Variants in WNK3 observed in about 807,000 individuals in gnomAD.
The protein encoded by WNK3 is WNK lysine deficient protein kinase 3.
A neutral mutation model predicts 116.7 loss-of-function variants in WNK3; 18 were observed. The ratio of observed to expected loss-of-function variants is 0.15; its 90% CI spans 0.11 to 0.23. WNK3 has a LOEUF of 0.23. Among genes scored for constraint, WNK3 ranks in the 10% least tolerant of loss-of-function variants. The probability of loss-of-function intolerance (pLI) is 1.00; values close to 1 mark genes in which losing one functional copy is unlikely to be tolerated. For synonymous variants in WNK3, 404 were observed against 469.4 expected, an observed-to-expected ratio of 0.86 and a Z score of 1.80; for missense variants, 993 against 1,323.8, an observed-to-expected ratio of 0.75 and a Z score of 3.88.
chrX:54,276,574 C>T (rs782014797), intron 10 of WNK3, among the ~76,000 whole-genome samples: 206 of 110,824 alleles, frequency 1.9e-3, no homozygotes, highest in African/African-American at 6.3e-3. Flanking sequence ...TATGCCATGA[C>T]CAAATGAGTT....
chrX:54,198,305 T>C (rs1557140651), exon 24 of WNK3: 1 of 1,110,231 alleles, frequency 9.0e-7, no homozygotes, highest in Admixed American at 3.0e-5. Flanking sequence ...CCTCCCTTTT[T>C]ATCACCATCT....
intron 22 of WNK3, among the ~76,000 whole-genome samples, chrX:54,209,148 C>G (rs943587326): frequency 1.8e-5 from 2 of 111,700 alleles, no homozygotes; most frequent in Non-Finnish European, 3.8e-5. Context: ...TGCCAGCAGG[C>G]CTGTCTAAAG....
intron 10 of WNK3, among the ~76,000 whole-genome samples, chrX:54,262,109 G>C (rs948839314): frequency 2.7e-5 from 3 of 111,773 alleles, no homozygotes. Flanking sequence ...AAATCACCTA[G>C]AATGCTGTTT....
At chrX:54,233,404 C>T (rs1374611407) in intron 20 of WNK3, among the ~76,000 whole-genome samples, 1 of 97,113 alleles carries the variant, frequency 1.0e-5, no homozygotes, top group Admixed American at 1.2e-4. Context: ...CACCACTGCA[C>T]TCCAGACTGG....
intron 2 of WNK3, among the ~76,000 whole-genome samples, chrX:54,324,345 G>A (rs782537864): frequency 8.9e-6 from 1 of 111,891 alleles, no homozygotes; most frequent in South Asian, 3.7e-4. Context: ...TTAGGACATG[G>A]ACATCTTTGG....
At chrX:54,275,415 A>ATGTGTGTGTGTGTGTGTG (rs782672834) in intron 10 of WNK3, among the ~76,000 whole-genome samples, 33 of 64,424 alleles carry the variant, frequency 5.1e-4, no homozygotes, top group African/African-American at 1.4e-3. Context: ...ATAAGTTCAT[A>ATGTGTGTGTGTGTGTGTG]TGTGTGTGTG....
chrX:54,274,206 CACT>C (rs1286888597), intron 10 of WNK3, among the ~76,000 whole-genome samples: 5 of 111,738 alleles, frequency 4.5e-5, no homozygotes, highest in African/African-American at 1.6e-4. Context: ...CTGGCAATCT[CACT>C]ACATTTCCCT....
At chrX:54,241,479 T>C (rs930630151) in intron 17 of WNK3, among the ~76,000 whole-genome samples, 2 of 111,751 alleles carry the variant, frequency 1.8e-5, no homozygotes, top group African/African-American at 3.3e-5. Flanking sequence ...GACTTCAATA[T>C]ATTCAGAGAG....
At chrX:54,309,587 C>T (rs1205049212) in intron 3 of WNK3, among the ~76,000 whole-genome samples, 2 of 111,682 alleles carry the variant, frequency 1.8e-5, no homozygotes, top group African/African-American at 6.5e-5. Context: ...GGCTGGAGGG[C>T]AGTGGTGCAA....
At chrX:54,284,074 T>G (rs893618326) in intron 10 of WNK3, among the ~76,000 whole-genome samples, 1 of 111,036 alleles carries the variant, frequency 9.0e-6, no homozygotes, top group African/African-American at 3.3e-5. Context: ...TTAAATACTT[T>G]GTCTCATTAA....
At chrX:54,234,545 G>C (rs1316322648) in intron 20 of WNK3, among the ~76,000 whole-genome samples, 1 of 111,777 alleles carries the variant, frequency 8.9e-6, no homozygotes, top group Non-Finnish European at 1.9e-5. Context: ...AGCAATAGAA[G>C]GCCAGGTGCA....
chrX:54,247,825 T>C (rs782617332), intron 17 of WNK3, among the ~76,000 whole-genome samples: 1 of 111,738 alleles, frequency 8.9e-6, no homozygotes, highest in South Asian at 3.7e-4. Flanking sequence ...ATGTTATATG[T>C]ATGTAAATAG....
intron 2 of WNK3, among the ~76,000 whole-genome samples, chrX:54,322,349 A>G (rs971181523): frequency 4.8e-4 from 54 of 111,922 alleles, no homozygotes; most frequent in African/African-American, 1.5e-3. Context: ...AGCTGGAGTG[A>G]ACACAAGTCA....
At chrX:54,350,326 C>T (rs782576467) in intron 1 of WNK3, among the ~76,000 whole-genome samples, 2 of 108,872 alleles carry the variant, frequency 1.8e-5, no homozygotes, top group Non-Finnish European at 3.8e-5. Flanking sequence ...AGGAGAACGG[C>T]GTGAACCCAC....
intron 6 of WNK3, 60 bp downstream of exon 6, chrX:54,301,711 A>G: frequency 1.9e-6 from 2 of 1,058,250 alleles, no homozygotes; most frequent in East Asian, 3.1e-5. Flanking sequence ...AAACGACCCA[A>G]TGCAAGATAA....
chrX:54,239,219 C>T (rs1456296837), intron 17 of WNK3, 120 bp from the exon 18 acceptor site: 15 of 432,169 alleles, frequency 3.5e-5, no homozygotes, highest in East Asian at 1.7e-4. Flanking sequence ...AAAAAAAAAA[C>T]GGAATTTCTT....
chrX:54,268,080 GCACACACACACA>G lies in WNK3; in HGVS notation c.2038-8754_2038-8743del, dbSNP rs57010526. Among the ~76,000 whole-genome samples, 191 of 80,805 alleles carry G rather than the reference GCACACACACACA, an allele frequency of 2.4e-3. 2 individuals carry two copies. Among genetic ancestry groups the G allele is most frequent in the African/African-American group, 7.8e-3 (169 of 21,641 alleles). 70.2% of individuals were successfully genotyped at this position (80,805 alleles called of 115,157 possible). A position where few individuals can be genotyped will look rare whatever the true frequency, so the allele number is the denominator to read the frequency against. On this transcript the variant is annotated intron_variant, in intron 10 of 23. Coordinates refer to ENST00000354646, the Ensembl canonical transcript of WNK3. ...AGTCACCTAAGATATCTGAATGCGT[GCACACACACACA>G]CACACACACACACACACACACACAC...
At chrX:54,256,807 C>T (rs893858164) in intron 11 of WNK3, among the ~76,000 whole-genome samples, 1 of 112,107 alleles carries the variant, frequency 8.9e-6, no homozygotes, top group African/African-American at 3.2e-5. Context: ...ATTAATACTG[C>T]CCTTAAGAGT....
chrX:54,220,213 T>A (rs184137966), intron 22 of WNK3, among the ~76,000 whole-genome samples: 48 of 112,049 alleles, frequency 4.3e-4, no homozygotes, highest in African/African-American at 1.5e-3. Flanking sequence ...TAACTAGTTC[T>A]TCTTGATGAC....
Sources: gnomAD v4.1 joint callset for allele counts (sites outside exome capture counted in the v4.1 genomes callset) on GRCh38, gnomAD v4.1.1 for gene constraint, MANE v1.5 for transcripts, NCBI Gene and HGNC (gene_info 2026-07-23, HGNC 2026-07-21) for gene names.